Variants in CILP observed in about 807,000 individuals in gnomAD.
The protein encoded by CILP is cartilage intermediate layer protein, also known as cartilage intermediate layer protein 1.
In CILP, 75 loss-of-function variants were observed where a neutral mutation model predicts 82.5. That is an observed-to-expected ratio of 0.91 (90% CI 0.75 to 1.10). CILP has a LOEUF of 1.10. Among genes scored for constraint, CILP ranks in the 50% least tolerant of loss-of-function variants. The probability of loss-of-function intolerance (pLI) is 0.00; values close to 1 mark genes in which losing one functional copy is unlikely to be tolerated. For synonymous variants in CILP, 530 were observed against 580.3 expected (o/e 0.91, Z 1.25); for missense variants, 1,479 against 1,530.8 (o/e 0.97, Z 0.56).
intron 2 of CILP, 126 bp downstream of exon 2, chr15:65,209,569 T>C (rs772739778): frequency 4.0e-6 from 3 of 754,846 alleles, no homozygotes; most frequent in Non-Finnish European, 6.8e-6. Context: ...AATAAATCCA[T>C]AAAGTGGCCT....
In CILP at chr15:65,197,186, G is replaced by A. The variant is rs746992209; in HGVS notation, c.3100C>T (p.Arg1034Cys). 22 of 1,613,896 alleles carry A rather than the reference G, an allele frequency of 1.4e-5. No homozygotes were observed. The highest frequency in any genetic ancestry group is 1.2e-4 in the African/African-American group (9 of 74,920). Residue 1034 changes from arginine to cysteine, a missense_variant, in exon 9 of 9, where the codon CGT (arginine) becomes TGT (cysteine). Transcript: ENST00000261883. The part of the protein sequence containing the change: ...LVKVIPQGSC[R>C]RASVNPMLHE... The stretch of plus-strand genomic sequence containing the variant: ...AGCATGGGGTTCACACTGGCTCGAC[G>A]GCAGCTGCCCTGGGGGATGACCTTC...
chr15:65,197,473 G>A lies in CILP; in HGVS notation c.2813C>T (p.Thr938Ile). Residue 938 changes from threonine to isoleucine, a missense_variant, in exon 9 of 9, where the codon ACT becomes ATT. By Grantham distance (89) the Thr-to-Ile change is moderately conservative. Coordinates refer to ENST00000261883, the MANE Select transcript of CILP (RefSeq NM_003613.4). The part of the protein sequence containing the change: ...PFNEDDPMSW[T>I]EDYLAWWPKP... ...TGGCCACCATGCCAGATAGTCTTCA[G>A]TCCAGCTCATAGGGTCATCTTCGTT... is the stretch of plus-strand genomic sequence containing the variant. 6.2e-7 allele frequency: 1 copy of A among 1,614,256 alleles called. No homozygotes were observed. Among genetic ancestry groups the A allele is most frequent in the Non-Finnish European group, 8.5e-7 (1 of 1,180,050 alleles).
At chr15:65,202,816 T>G (rs1330358507) in intron 7 of CILP, among the ~76,000 whole-genome samples, 1 of 148,848 alleles carries the variant, frequency 6.7e-6, no homozygotes, top group Non-Finnish European at 1.5e-5. Flanking sequence ...AGACCAGAGA[T>G]GCTCCAGGGG....
Position 65,196,919 on chromosome 15 carries a change from G to C in CILP, c.3367C>G (p.Gln1123Glu), listed in dbSNP as rs1002727590. 5 of 1,613,300 alleles carry C rather than the reference G, an allele frequency of 3.1e-6. No individual in the cohort carries two copies. In the African/African-American group the frequency reaches 6.7e-5, roughly 22 times the overall value. ...VALTFNCVER[Q>E]VGRQSAFQYL... ...TGGAAGGCACTCTGGCGGCCTACTT[G>C]CCTCTCTACACAGTTGAAGGTGAGG... The change falls in exon 9 of 9, where the codon CAA becomes GAA. Residue 1123 changes from glutamine to glutamate, a missense_variant. Physicochemically the swap from Gln to Glu is conservative, Grantham distance 29 (BLOSUM62 2). Transcript: ENST00000261883.
At chr15:65,201,750 A>T in intron 8 of CILP, 122 bp downstream of exon 8, 13 of 523,592 alleles carry the variant, frequency 2.5e-5, no homozygotes, top group Middle Eastern at 5.5e-4. Context: ...AAAAAAAAAA[A>T]GAAAGAAAGA....
intron 6 of CILP, among the ~76,000 whole-genome samples, chr15:65,203,867 A>G (rs2088487499): frequency 6.6e-6 from 1 of 152,226 alleles, no homozygotes; most frequent in South Asian, 2.1e-4. Context: ...TCTCTCTGTG[A>G]CCTGCAAACC....
At chr15:65,203,492 A>G in intron 6 of CILP, 22 bp from the exon 7 acceptor site, 2 of 1,585,860 alleles carry the variant, frequency 1.3e-6, no homozygotes, top group South Asian at 2.2e-5. Context: ...AATGAGAAAT[A>G]GCATTTTGGG....
chr15:65,209,906 C>T, intron 1 of CILP, 45 bp from the exon 2 acceptor site: 10 of 630,660 alleles, frequency 1.6e-5, no homozygotes, highest in South Asian at 3.9e-5. Flanking sequence ...TCTGAATCAC[C>T]GCTTATGGCT....
rs2088371526 is a variant in CILP at position 65,196,970 on chromosome 15, T to C, written c.3316A>G (p.Ile1106Val). The C allele has an allele frequency of 1.2e-6, 2 of 1,614,016 alleles. No homozygotes were observed. The highest frequency in any genetic ancestry group is 2.7e-5 in the African/African-American group (2 of 74,924). ...GCTACTCCCACATTGCTCTTCATGA[T>C]TCTGGAGGAGCCATCGGATGTGCCA... ...FDGTSDGSSR[I>V]MKSNVGVALT... The change falls in exon 9 of 9, where the codon ATC becomes GTC. Residue 1106 changes from isoleucine to valine, a missense_variant. Ile to Val is a conservative substitution (Grantham distance 29). Coordinates refer to ENST00000261883, the MANE Select transcript of CILP (RefSeq NM_003613.4).
chr15:65,198,219 C>T lies in CILP; in HGVS notation c.2067G>A (p.Met689Ile). ...GTTTCACTGTGGATATGTGCTCTGG[C>T]ATCTTGACCTGGGTCGAGTCAAGGT... ...KVHLDSTQVK[M>I]PEHISTVKLW... The change falls in exon 9 of 9, where the codon ATG (methionine) becomes ATA (isoleucine). Residue 689 changes from methionine to isoleucine, a missense_variant. Transcript: ENST00000261883. 6.2e-7 allele frequency: 1 copy of T among 1,614,264 alleles called. No individual in the cohort carries two copies. The highest frequency in any genetic ancestry group is 1.3e-5 in the African/African-American group (1 of 75,078).
intron 2 of CILP, among the ~76,000 whole-genome samples, chr15:65,208,755 C>T (rs144768618): frequency 2.6e-5 from 4 of 152,318 alleles, no homozygotes; most frequent in East Asian, 1.9e-4. Context: ...AGGCAATTAA[C>T]GCTTACTCCA....
At position 65,204,387 on chromosome 15, in the gene CILP, A is replaced by C. The variant is rs1365961791; in HGVS notation, c.800T>G (p.Leu267Trp). 1 of 1,614,206 alleles carries C rather than the reference A, an allele frequency of 6.2e-7. No individual in the cohort carries two copies. The part of the protein sequence containing the change: ...DSDGRFRIPG[L>W]CPDGKSILKI... ...CAGGATGCTTTTGCCATCAGGGCAC[A>C]AGCCAGGGATTCGGAATCTCCCATC... Residue 267 changes from leucine (L) to tryptophan (W), a missense_variant, in exon 6 of 9, where the codon TTG becomes TGG. Transcript: ENST00000261883.
At position 65,202,044 on chromosome 15, in the gene CILP, G is replaced by A. The variant is rs751320557; in HGVS notation, c.1029-15C>T. ...CATTATGATACCTGCAAGGGATGGA[G>A]AGGTAGAACCTGAATGGGCAGTGGG... On this transcript the variant is annotated splice_polypyrimidine_tract_variant and intron_variant, in intron 7 of 8. Transcript: ENST00000261883. 6.4e-7 allele frequency: 1 copy of A among 1,559,934 alleles called. No homozygotes were observed. The highest frequency in any genetic ancestry group is 8.7e-7 in the Non-Finnish European group (1 of 1,152,090).
At chr15:65,201,574 T>C (rs1214966961) in intron 8 of CILP, among the ~76,000 whole-genome samples, 3 of 150,940 alleles carry the variant, frequency 2.0e-5, no homozygotes, top group Non-Finnish European at 4.4e-5. Flanking sequence ...ACTAAAAATA[T>C]AAAAATTAGC....
At chr15:65,207,502 C>T (rs1226356119) in intron 3 of CILP, among the ~76,000 whole-genome samples, 170 bp downstream of exon 3, 1 of 152,188 alleles carries the variant, frequency 6.6e-6, no homozygotes, top group Non-Finnish European at 1.5e-5. Flanking sequence ...ATTCCTGATT[C>T]TGAGCTGTCT....
At chr15:65,209,557 C>T (rs1008577468) in intron 2 of CILP, 138 bp downstream of exon 2, 11 of 696,672 alleles carry the variant, frequency 1.6e-5, no homozygotes, top group African/African-American at 7.1e-5. Context: ...GTATAAATTA[C>T]GAATAAATCC....
chr15:65,201,832 G>A, intron 8 of CILP, 40 bp downstream of exon 8: 1 of 1,434,072 alleles, frequency 7.0e-7, no homozygotes, highest in African/African-American at 1.5e-5. Context: ...AGCCAACCCT[G>A]TTGCAGACCC....
intron 4 of CILP, 113 bp downstream of exon 4, chr15:65,206,669 G>A (rs1449339179): frequency 1.7e-6 from 2 of 1,162,492 alleles, no homozygotes; most frequent in East Asian, 4.7e-5. Flanking sequence ...CAGAGTCCAA[G>A]CATACGCATG....
chr15:65,197,206 A>C lies in CILP; in HGVS notation c.3080T>G (p.Val1027Gly), dbSNP rs762630191. ...QDRVDRTLVK[V>G]IPQGSCRRAS... Reference sequence around the variant, plus strand: ...TCGACGGCAGCTGCCCTGGGGGATGACCTTCACCAGGGTGCGGTCCACACG... The same window carrying C: ...TCGACGGCAGCTGCCCTGGGGGATGCCCTTCACCAGGGTGCGGTCCACACG... Residue 1027 changes from valine (V) to glycine (G), a missense_variant, in exon 9 of 9, where the codon GTC becomes GGC. Physicochemically the swap from Val to Gly is moderately radical, Grantham distance 109. Coordinates refer to ENST00000261883, the MANE Select transcript of CILP (RefSeq NM_003613.4). 1.2e-6 allele frequency: 2 copies of C among 1,613,946 alleles called. No individual in the cohort carries two copies. Among genetic ancestry groups the C allele is most frequent in the Non-Finnish European group, 8.5e-7 (1 of 1,180,006 alleles).
Sources: allele counts gnomAD v4.1 joint callset (sites outside exome capture counted in the v4.1 genomes callset), GRCh38; gene constraint gnomAD v4.1.1; transcripts MANE v1.5; gene names NCBI Gene and HGNC (gene_info 2026-07-23, HGNC 2026-07-21).